Variants in ESRRB observed in about 807,000 individuals in gnomAD.
The protein encoded by ESRRB is steroid hormone receptor ERR2.
A neutral mutation model predicts 46.0 loss-of-function variants in ESRRB; 16 were observed. The ratio of observed to expected loss-of-function variants is 0.35; its 90% CI spans 0.24 to 0.53. ESRRB has a LOEUF of 0.53. Ranked by LOEUF, ESRRB falls within the 20% of genes least tolerant of loss-of-function variation. The pLI is 0.93. For missense variants in ESRRB, 488 were observed against 607.4 expected, an observed-to-expected ratio of 0.80 and a Z score of 2.07; for synonymous variants, 246 against 259.6, an observed-to-expected ratio of 0.95 and a Z score of 0.50.
At chr14:76,492,307 G>A (rs1008626206) in intron 6 of ESRRB, among the ~76,000 whole-genome samples, 57 of 152,148 alleles carry the variant, frequency 3.7e-4, no homozygotes, top group Admixed American at 3.5e-3. Flanking sequence ...GGAACTACAG[G>A]CATGTGCCAT....
rs771730157 is a variant in ESRRB at position 76,439,480 on chromosome 14, G to A, written c.190G>A (p.Gly64Ser). The A allele has an allele frequency of 1.7e-4, 275 of 1,612,154 alleles. No individual in the cohort carries two copies. Among genetic ancestry groups the A allele is most frequent in the Non-Finnish European group, 2.1e-4 (248 of 1,179,748 alleles). The change falls in exon 2 of 7, where the codon GGC becomes AGC. Residue 64 changes from glycine (G) to serine (S), a missense_variant. Physicochemically the swap from Gly to Ser is moderately conservative, Grantham distance 56 (BLOSUM62 0). Transcript: ENST00000644823. ...CCCCAGTGGCTCGTCCGACGCCAGCGGCGGCTTTGGCCTGGCCCTGGGCAC... is the reference window on the plus strand; with the variant it reads ...CCCCAGTGGCTCGTCCGACGCCAGCAGCGGCTTTGGCCTGGCCCTGGGCAC... Reference protein sequence around the residue: ...HSPSGSSDASGGFGLALGTHA... With the variant: ...HSPSGSSDASSGFGLALGTHA...
chr14:76,364,155 C>A (rs985478849), intron 1 of ESRRB, among the ~76,000 whole-genome samples: 2 of 151,886 alleles, frequency 1.3e-5, no homozygotes, highest in Non-Finnish European at 2.9e-5. Context: ...AAGAAGGGGC[C>A]GAAAGTGAAA....
intron 1 of ESRRB, among the ~76,000 whole-genome samples, chr14:76,325,046 C>A (rs1883913276): frequency 2.0e-5 from 3 of 148,942 alleles, no homozygotes; most frequent in East Asian, 2.0e-4. Context: ...CTCACTGCAA[C>A]CTCCGCCTCC....
Position 76,316,437 on chromosome 14 carries a change from A to AG in ESRRB, c.2+5521_2+5522insG, listed in dbSNP as rs1566849459. ...CTGCTCCTAGCAGTTGGTAGTAGTCATAGTAGTAGTACAATTAGTAGTAGT... is the reference window on the plus strand; with the variant it reads ...CTGCTCCTAGCAGTTGGTAGTAGTCAGTAGTAGTAGTACAATTAGTAGTAGT... On this transcript the variant is annotated intron_variant, in intron 1 of 6. Transcript: ENST00000512784. Among the ~76,000 whole-genome samples, 21 of 151,232 alleles carry AG rather than the reference A, an allele frequency of 1.4e-4. 1 individual carries two copies. Among genetic ancestry groups the AG allele is most frequent in the Admixed American group, 1.3e-3 (20 of 15,060 alleles).
chr14:76,378,457 CTA>C (rs1884871648), intron 1 of ESRRB, among the ~76,000 whole-genome samples: 1 of 152,098 alleles, frequency 6.6e-6, no homozygotes, highest in Non-Finnish European at 1.5e-5. Flanking sequence ...CATTTATAAA[CTA>C]AGCCTGACAG....
At chr14:76,476,415 T>C (rs1889587203) in intron 3 of ESRRB, among the ~76,000 whole-genome samples, 1 of 152,194 alleles carries the variant, frequency 6.6e-6, no homozygotes, top group Non-Finnish European at 1.5e-5. Flanking sequence ...TAATTGTAAG[T>C]TAATTAGTAT....
At chr14:76,449,322 C>T (rs1194355277) in intron 2 of ESRRB, among the ~76,000 whole-genome samples, 1 of 151,908 alleles carries the variant, frequency 6.6e-6, no homozygotes, top group Non-Finnish European at 1.5e-5. Flanking sequence ...GAGGCCGAGG[C>T]GGGTGGATCA....
upstream of ESRRB, among the ~76,000 whole-genome samples, chr14:76,375,733 G>A (rs900953666): frequency 6.6e-6 from 1 of 152,232 alleles, no homozygotes; most frequent in African/African-American, 2.4e-5. Flanking sequence ...GTGGAGAAAT[G>A]TGACTCATTT....
chr14:76,497,505 C>T lies in ESRRB; in HGVS notation c.1121-709C>T, dbSNP rs117585139. 6.0e-4 allele frequency among the ~76,000 whole-genome samples: 92 copies of T among 152,294 alleles called. 2 individuals are homozygous for T. In the East Asian group the frequency reaches 0.016, roughly 26 times the overall value. On this transcript the variant is annotated intron_variant, in intron 6 of 6. Coordinates refer to ENST00000644823, the MANE Select transcript of ESRRB (RefSeq NM_001379180.1). ...ATGTAGGTAAATTTTGTTTGAACCC[C>T]TAGGTCATGGCCTAAGTTCAAAACC...
In ESRRB at chr14:76,491,716, G is replaced by A. The variant is rs1279391112; in HGVS notation, c.1120G>A (p.Asp374Asn). Residue 374 changes from aspartate (D) to asparagine (N), a missense_variant and splice_region_variant, in exon 6 of 7, where the codon GAT (aspartate) becomes AAT (asparagine). Physicochemically the swap from Asp to Asn is conservative, Grantham distance 23 (BLOSUM62 1). Coordinates refer to ENST00000644823, the MANE Select transcript of ESRRB (RefSeq NM_001379180.1). ...CAAGGCCCTGGCCCTCGCCAACTCC[G>A]GTAAGGGCGGCGGCGGGGCCTGGAA... ...TLKALALANS[D>N]SMYIEDLEAV... 14 of 1,575,298 alleles carry A rather than the reference G, an allele frequency of 8.9e-6. No homozygotes were observed. Among genetic ancestry groups the A allele is most frequent in the South Asian group, 1.2e-5 (1 of 85,646 alleles).
chr14:76,358,293 C>T (rs189296810), intron 1 of ESRRB, among the ~76,000 whole-genome samples: 174 of 123,982 alleles, frequency 1.4e-3, no homozygotes, highest in African/African-American at 4.7e-3. Context: ...GCCTGGGATA[C>T]GGAGCAAGAC....
In ESRRB at chr14:76,439,221, G is replaced by A; in HGVS notation, c.51-120G>A. 3.4e-6 allele frequency: 4 copies of A among 1,179,338 alleles called. 1 individual carries two copies. The South Asian group carries it at 4.9e-5, about 15-fold the overall frequency. The allele number at this position is 1,179,338 out of a possible 1,614,324, so 73.1% of individuals were successfully genotyped here. On this transcript the variant is annotated intron_variant, in intron 1 of 6. Transcript: ENST00000644823. ...AGACCAGCTGACCTTCTCCACCGTT[G>A]TTTTATCGCACCAAAGCCTTAGCAT... is the stretch of plus-strand genomic sequence containing the variant.
At chr14:76,479,961 G>C (rs983076175) in intron 3 of ESRRB, among the ~76,000 whole-genome samples, 5 of 152,158 alleles carry the variant, frequency 3.3e-5, no homozygotes, top group African/African-American at 1.2e-4. Context: ...TCCACCTCCT[G>C]GGTTCAAGCG....
chr14:76,482,111 C>T lies in ESRRB; in HGVS notation c.673C>T (p.Pro225Ser). The T allele has an allele frequency of 6.2e-7, 1 of 1,614,046 alleles. No homozygotes were observed. Among genetic ancestry groups the T allele is most frequent in the Non-Finnish European group, 8.5e-7 (1 of 1,179,878 alleles). Residue 225 changes from proline to serine, a missense_variant, in exon 4 of 7, where the codon CCT (proline) becomes TCT (serine). By Grantham distance (74) the Pro-to-Ser change is moderately conservative (BLOSUM62 -1). Transcript: ENST00000644823. This position sits in a 1 kb window ranked among gnomAD's most constrained non-coding sequence, Gnocchi z 4.3. Reference protein sequence around the residue: ...SPYLSLQISPPAKKPLTKIVS... With the variant: ...SPYLSLQISPSAKKPLTKIVS... Reference sequence around the variant, plus strand: ...ATACCTGAGCTTACAAATTTCTCCACCTGCTAAAAAGCCATGTGAGTGTCA... The same window carrying T: ...ATACCTGAGCTTACAAATTTCTCCATCTGCTAAAAAGCCATGTGAGTGTCA...
In ESRRB at chr14:76,333,121, A is replaced by ATATATAT. The variant is rs1382359540; in HGVS notation, c.2+22234_2+22240dup. 2.8e-3 allele frequency among the ~76,000 whole-genome samples: 22 copies of ATATATAT among 7,796 alleles called. 3 individuals are homozygous for ATATATAT. The highest frequency in any genetic ancestry group is 0.01 in the Admixed American group (3 of 290). The allele number at this position is 7,796 out of a possible 152,430, so 5.1% of individuals were successfully genotyped here. A position where few individuals can be genotyped will look rare whatever the true frequency, so the allele number is the denominator to read the frequency against. ...TTATATATAATATATAATATATAAT[A>ATATATAT]TATATATTATATATTATATATTATA... On this transcript the variant is annotated intron_variant, in intron 1 of 6. Coordinates refer to the ESRRB transcript ENST00000512784.
At chr14:76,397,470 T>C (rs1885739861) in intron 1 of ESRRB, among the ~76,000 whole-genome samples, 3 of 152,232 alleles carry the variant, frequency 2.0e-5, no homozygotes. Flanking sequence ...GTGTCAGTAA[T>C]GTGTGGAGTT....
chr14:76,386,571 C>T (rs1291601946), intron 1 of ESRRB, among the ~76,000 whole-genome samples: 1 of 151,380 alleles, frequency 6.6e-6, no homozygotes, highest in Non-Finnish European at 1.5e-5. Context: ...ATTCTCCTGC[C>T]TCAGCCTCCT....
At chr14:76,477,593 G>A (rs1194256687) in intron 3 of ESRRB, among the ~76,000 whole-genome samples, 4 of 152,202 alleles carry the variant, frequency 2.6e-5, no homozygotes, top group Admixed American at 1.3e-4. Context: ...GACAGAGATG[G>A]GCATGGGACC....
intron 2 of ESRRB, 96 bp from the exon 3 acceptor site, chr14:76,462,449 C>G: frequency 1.1e-6 from 1 of 889,894 alleles, no homozygotes; most frequent in Non-Finnish European, 1.8e-6. Flanking sequence ...AGTGGCAGCT[C>G]TGGCAAATTA....
Sources: allele counts gnomAD v4.1 joint callset (sites outside exome capture counted in the v4.1 genomes callset), GRCh38; gene constraint gnomAD v4.1.1; non-coding constraint Gnocchi (gnomAD v3.1); transcripts MANE v1.5; gene names NCBI Gene and HGNC (gene_info 2026-07-23, HGNC 2026-07-21).